Variants in GALNT13 observed in about 807,000 individuals in gnomAD.
The protein encoded by GALNT13 is UDP-GalNAc:polypeptide N-acetylgalactosaminyltransferase 13.
In GALNT13, 28 loss-of-function variants were observed where a neutral mutation model predicts 64.2. That is an observed-to-expected ratio of 0.44 (90% CI 0.32 to 0.60). GALNT13 has a LOEUF of 0.60. Ranked by LOEUF, GALNT13 falls within the 20% of genes least tolerant of loss-of-function variation. The pLI is 0.05. For synonymous variants in GALNT13, 214 were observed against 224.6 expected (o/e 0.95, Z 0.42); for missense variants, 577 against 669.8 (o/e 0.86, Z 1.53).
At chr2:153,812,397 T>C in the GALNT13 span, among the ~76,000 whole-genome samples, 6 of 152,176 alleles carry the variant, frequency 3.9e-5, no homozygotes, top group African/African-American at 1.4e-4. Context: ...CTTAATCCTT[T>C]ATGTAAAATA....
At chr2:153,731,003 G>A in the GALNT13 span, among the ~76,000 whole-genome samples, 19 of 151,790 alleles carry the variant, frequency 1.3e-4, no homozygotes, top group African/African-American at 4.6e-4. Flanking sequence ...ATTCTCAATA[G>A]CAAAGTCATG....
chr2:153,450,249 AGCAAAACT>A, the GALNT13 span, among the ~76,000 whole-genome samples: 1 of 152,218 alleles, frequency 6.6e-6, no homozygotes, highest in Non-Finnish European at 1.5e-5. Context: ...GCATTTAAAC[AGCAAAACT>A]GCAAATTAAG....
the GALNT13 span, among the ~76,000 whole-genome samples, chr2:153,531,097 G>A: frequency 6.6e-6 from 1 of 152,150 alleles, no homozygotes; most frequent in African/African-American, 2.4e-5. Context: ...AAAGTGAAGA[G>A]GTAACCAACA....
chr2:154,303,704 T>C (rs893698363), intron 9 of GALNT13, among the ~76,000 whole-genome samples: 2 of 151,932 alleles, frequency 1.3e-5, no homozygotes, highest in African/African-American at 4.8e-5. Context: ...TACGGCATGA[T>C]AGGAACTTGG....
the GALNT13 span, among the ~76,000 whole-genome samples, chr2:153,235,011 G>C: frequency 6.6e-6 from 1 of 152,100 alleles, no homozygotes; most frequent in Non-Finnish European, 1.5e-5. Flanking sequence ...CTGCTATGGT[G>C]ATCTGTTATC....
chr2:153,956,244 G>A (rs1358630215), intron 3 of GALNT13, among the ~76,000 whole-genome samples: 1 of 152,064 alleles, frequency 6.6e-6, no homozygotes, highest in Non-Finnish European at 1.5e-5. Flanking sequence ...ACTCAAAGGA[G>A]CTGACAAAAA....
At chr2:153,519,209 C>A in the GALNT13 span, among the ~76,000 whole-genome samples, 1 of 152,084 alleles carries the variant, frequency 6.6e-6, no homozygotes, top group Non-Finnish European at 1.5e-5. Context: ...TCCATTTAAA[C>A]GGCTTGATTT....
At chr2:154,367,606 A>G (rs1021871236) in intron 9 of GALNT13, among the ~76,000 whole-genome samples, 1 of 152,176 alleles carries the variant, frequency 6.6e-6, no homozygotes, top group Admixed American at 6.5e-5. Context: ...TGGCCTTCTC[A>G]TTCTGATATT....
intron 8 of GALNT13, among the ~76,000 whole-genome samples, chr2:154,272,067 A>C (rs1229594538): frequency 6.6e-6 from 1 of 151,968 alleles, no homozygotes; most frequent in Non-Finnish European, 1.5e-5. Context: ...TATAAAGTAT[A>C]CATTTTCATT....
the GALNT13 span, among the ~76,000 whole-genome samples, chr2:153,325,111 TG>T: frequency 7.7e-6 from 1 of 130,558 alleles, no homozygotes; most frequent in African/African-American, 2.9e-5. Flanking sequence ...CCTCTGGACC[TG>T]GGTTTTTTTT....
chr2:153,430,333 G>A, the GALNT13 span, among the ~76,000 whole-genome samples: 1 of 151,956 alleles, frequency 6.6e-6, no homozygotes, highest in Non-Finnish European at 1.5e-5. Context: ...TAGGTTGTGA[G>A]TTTTTATGAT....
chr2:153,209,894 T>A, the GALNT13 span, among the ~76,000 whole-genome samples: 4 of 152,184 alleles, frequency 2.6e-5, no homozygotes, highest in African/African-American at 4.8e-5. Context: ...ATTTTTAAAG[T>A]TTTATCCCAA....
chr2:153,454,105 T>C, the GALNT13 span, among the ~76,000 whole-genome samples: 262 of 152,244 alleles, frequency 1.7e-3, no homozygotes, highest in African/African-American at 6.0e-3. Context: ...CAACTGACAC[T>C]ATTAGAGGGG....
chr2:153,866,312 A>G, the GALNT13 span, among the ~76,000 whole-genome samples: 3 of 7,432 alleles, frequency 4.0e-4, no homozygotes, highest in African/African-American at 9.7e-4. Context: ...AAAGTATAAT[A>G]AAAAAAAATA....
the GALNT13 span, among the ~76,000 whole-genome samples, chr2:153,708,843 A>G: frequency 1.3e-4 from 20 of 152,232 alleles, no homozygotes; most frequent in African/African-American, 4.8e-4. Context: ...ATAAACCTGT[A>G]TATGTTCTGT....
At chr2:154,372,989 T>C (rs968651589) in intron 9 of GALNT13, among the ~76,000 whole-genome samples, 4 of 152,116 alleles carry the variant, frequency 2.6e-5, no homozygotes, top group Admixed American at 2.6e-4. Flanking sequence ...TAGAACACTT[T>C]CCTTTTTAAA....
the GALNT13 span, among the ~76,000 whole-genome samples, chr2:153,738,679 GA>G: frequency 8.6e-3 from 1,313 of 151,980 alleles, 16 homozygotes; most frequent in African/African-American, 0.03. Context: ...TTCTGTGGTT[GA>G]ATTATGTCTT....
chr2:153,202,957 T>C, the GALNT13 span, among the ~76,000 whole-genome samples: 1 of 152,238 alleles, frequency 6.6e-6, no homozygotes, highest in Non-Finnish European at 1.5e-5. Context: ...CTCATTTGTA[T>C]GGATCAGTAT....
chr2:153,358,984 T>C, the GALNT13 span, among the ~76,000 whole-genome samples: 3 of 152,194 alleles, frequency 2.0e-5, no homozygotes, highest in Non-Finnish European at 2.9e-5. Flanking sequence ...ATACAAATGG[T>C]ATATTATACA....
Sources: allele counts gnomAD v4.1 joint callset (sites outside exome capture counted in the v4.1 genomes callset), GRCh38; gene constraint gnomAD v4.1.1; transcripts MANE v1.5; gene names NCBI Gene and HGNC (gene_info 2026-07-23, HGNC 2026-07-21).